Variants in ESRRB observed in about 807,000 individuals in gnomAD.
ESRRB encodes the protein estrogen related receptor beta.
ESRRB carries 16 observed loss-of-function variants against 46.0 expected under a neutral mutation model. The ratio of observed to expected loss-of-function variants is 0.35; its 90% CI spans 0.24 to 0.53. The LOEUF is 0.53. Ranked by LOEUF, ESRRB falls within the 20% of genes least tolerant of loss-of-function variation. The pLI is 0.93. For missense variants in ESRRB, 488 were observed against 607.4 expected, an observed-to-expected ratio of 0.80 and a Z score of 2.07; for synonymous variants, 246 against 259.6, an observed-to-expected ratio of 0.95 and a Z score of 0.50.
chr14:76,491,568 G>A lies in ESRRB; in HGVS notation c.972G>A (p.Glu324=). 1 of 1,592,670 alleles carries A rather than the reference G, an allele frequency of 6.3e-7. No individual in the cohort carries two copies. The highest frequency in any genetic ancestry group is 8.5e-7 in the Non-Finnish European group (1 of 1,170,122). The stretch of plus-strand genomic sequence containing the variant: ...ATGACGACAAGCTGGTGTACGCTGA[G>A]GACTACATCATGGATGAGGAGCACT... ...LPYDDKLVYA[E]DYIMDEEHSR... is the part of the protein sequence containing the mutation. The change falls in exon 6 of 7, where the codon GAG becomes GAA. Residue 324 remains glutamate, a synonymous_variant. Transcript: ENST00000644823.
intron 3 of ESRRB, among the ~76,000 whole-genome samples, chr14:76,476,247 A>T (rs1388484465): frequency 1.3e-5 from 2 of 152,312 alleles, no homozygotes; most frequent in East Asian, 3.9e-4. Flanking sequence ...ACCTGTACAC[A>T]TTAAGGGATT....
At chr14:76,351,611 A>G (rs1884313698) in intron 1 of ESRRB, among the ~76,000 whole-genome samples, 2 of 152,220 alleles carry the variant, frequency 1.3e-5, no homozygotes, top group African/African-American at 4.8e-5. Context: ...ACTTCAGCAT[A>G]TCTTTTCGAG....
At chr14:76,340,721 A>G (rs1403978165) in intron 1 of ESRRB, among the ~76,000 whole-genome samples, 3 of 152,160 alleles carry the variant, frequency 2.0e-5, no homozygotes, top group Admixed American at 6.5e-5. Context: ...TCTGGTGTGA[A>G]TTTCCTGCTT....
chr14:76,354,228 C>CCG (rs1884349928), intron 1 of ESRRB, among the ~76,000 whole-genome samples: 1 of 96,984 alleles, frequency 1.0e-5, no homozygotes, highest in Non-Finnish European at 2.0e-5. Flanking sequence ...CTACCCGCCC[C>CCG]CCCCCCCACC....
At chr14:76,447,871 C>G (rs559059571) in intron 2 of ESRRB, among the ~76,000 whole-genome samples, 1 of 152,182 alleles carries the variant, frequency 6.6e-6, no homozygotes, top group African/African-American at 2.4e-5. Context: ...TCCCTGCTGC[C>G]AGGCTCGGCC....
At chr14:76,403,023 T>C (rs1216364695) in intron 1 of ESRRB, among the ~76,000 whole-genome samples, 1 of 152,092 alleles carries the variant, frequency 6.6e-6, no homozygotes, top group Non-Finnish European at 1.5e-5. Context: ...ACTCCTGGGC[T>C]CAAGCAATCT....
Position 76,354,764 on chromosome 14 carries a change from C to T in ESRRB, c.2+43848C>T, listed in dbSNP as rs999376388. Among the ~76,000 whole-genome samples the T allele has an allele frequency of 4.2e-5, 6 of 143,378 alleles. No homozygotes were observed. The Admixed American group carries it at 4.3e-4, about 10-fold the overall frequency. 94.1% of individuals were successfully genotyped at this position (143,378 alleles called of 152,430 possible). A position where few individuals can be genotyped will look rare whatever the true frequency, so the allele number is the denominator to read the frequency against. ...TGCTCTTGTTGCCCAGGCTGGAGTG[C>T]AATGGCTCGATCTCAGCTCACTGCA... On this transcript the variant is annotated intron_variant, in intron 1 of 6. Coordinates refer to the ESRRB transcript ENST00000512784.
intron 1 of ESRRB, among the ~76,000 whole-genome samples, chr14:76,344,497 C>T (rs892486021): frequency 6.6e-6 from 1 of 152,054 alleles, no homozygotes; most frequent in African/African-American, 2.4e-5. Context: ...GCTTAGATCC[C>T]ACATATCAGT....
chr14:76,332,560 TATTTA>T (rs1884027746), intron 1 of ESRRB, among the ~76,000 whole-genome samples: 1 of 17,898 alleles, frequency 5.6e-5, no homozygotes, highest in Non-Finnish European at 1.1e-4. Flanking sequence ...ATATAATATA[TATTTA>T]TATATTTATA....
At chr14:76,358,359 G>A (rs965913576) in intron 1 of ESRRB, among the ~76,000 whole-genome samples, 3 of 51,918 alleles carry the variant, frequency 5.8e-5, no homozygotes, top group East Asian at 3.9e-4. Flanking sequence ...AAGAAAGAAA[G>A]AAAGAAAGAA....
Position 76,462,672 on chromosome 14 carries a change from C to CCGGCCGGGCGCGGTGGCT in ESRRB, c.577+12_577+13insGGCCGGGCGCGGTGGCTC. The CCGGCCGGGCGCGGTGGCT allele has an allele frequency of 1.3e-6, 2 of 1,596,770 alleles. No individual in the cohort carries two copies. The highest frequency in any genetic ancestry group is 1.7e-6 in the Non-Finnish European group (2 of 1,164,448). On this transcript the variant is annotated intron_variant, in intron 3 of 6. Transcript: ENST00000644823. ...GGATGCTGAAGGAAGGTAAGAGACC[C>CCGGCCGGGCGCGGTGGCT]CACCGAGTCGGGGTTCACTGTGAGG...
In ESRRB at chr14:76,439,597, G is replaced by C. The variant is rs771967770; in HGVS notation, c.307G>C (p.Gly103Arg). ...CRKSYEDCAS[G>R]IMEDSAIKCE... Reference sequence around the variant, plus strand: ...CAAGAGCTACGAGGACTGTGCCAGCGGCATCATGGAGGACTCGGCCATCAA... The same window carrying C: ...CAAGAGCTACGAGGACTGTGCCAGCCGCATCATGGAGGACTCGGCCATCAA... The change falls in exon 2 of 7, where the codon GGC becomes CGC. Residue 103 changes from glycine (G) to arginine (R), a missense_variant. Transcript: ENST00000644823. 1.2e-4 allele frequency: 194 copies of C among 1,614,208 alleles called. No individual in the cohort carries two copies. The highest frequency in any genetic ancestry group is 1.5e-4 in the Non-Finnish European group (173 of 1,180,024).
intron 1 of ESRRB, among the ~76,000 whole-genome samples, chr14:76,382,476 G>A (rs1268616260): frequency 6.6e-6 from 1 of 152,194 alleles, no homozygotes; most frequent in Non-Finnish European, 1.5e-5. Flanking sequence ...AGGAAGTCCT[G>A]CCCTTCTCCA....
At chr14:76,496,259 G>A (rs1247689791) in intron 6 of ESRRB, among the ~76,000 whole-genome samples, 1 of 152,238 alleles carries the variant, frequency 6.6e-6, no homozygotes. Context: ...TAAGACATGA[G>A]CCTGGATGTG....
At chr14:76,331,164 A>G (rs948015132) in intron 1 of ESRRB, among the ~76,000 whole-genome samples, 5 of 152,066 alleles carry the variant, frequency 3.3e-5, no homozygotes, top group East Asian at 1.9e-4. Context: ...GCCATGTGAC[A>G]CTTGCTGTGG....
intron 1 of ESRRB, among the ~76,000 whole-genome samples, chr14:76,387,836 C>A (rs1885301690): frequency 6.6e-6 from 1 of 152,140 alleles, no homozygotes; most frequent in Non-Finnish European, 1.5e-5. Flanking sequence ...GATAGGAGAG[C>A]TAAATATAAA....
chr14:76,405,459 G>A lies in ESRRB; in HGVS notation c.50+29008G>A, dbSNP rs1035626474. Among the ~76,000 whole-genome samples, 14 of 152,144 alleles carry A rather than the reference G, an allele frequency of 9.2e-5. No individual in the cohort carries two copies. In the East Asian group the frequency reaches 1.9e-3, roughly 21 times the overall value. ...CTGGAACCTAGAGGGCAGATGAACC[G>A]ATAATGGGAGTGTTTCCTTGTAAGT... is the stretch of plus-strand genomic sequence containing the variant. On this transcript the variant is annotated intron_variant, in intron 1 of 6. Coordinates refer to ENST00000644823, the MANE Select transcript of ESRRB (RefSeq NM_001379180.1).
Position 76,487,611 on chromosome 14 carries a change from T to G in ESRRB, c.851-3836T>G, listed in dbSNP as rs547287794. 1.5e-3 allele frequency among the ~76,000 whole-genome samples: 230 copies of G among 152,312 alleles called. 1 individual carries two copies. Among genetic ancestry groups the G allele is most frequent in the Middle Eastern group, 6.8e-3 (2 of 294 alleles). On this transcript the variant is annotated intron_variant, in intron 5 of 6. Transcript: ENST00000644823. ...TTTCTTTCTAGGATAAATTTCTTTTTTTTTCTTTTTGAGCCAGGATCTCGC... is the reference window on the plus strand; with the variant it reads ...TTTCTTTCTAGGATAAATTTCTTTTGTTTTCTTTTTGAGCCAGGATCTCGC...
At chr14:76,310,795 A>G in exon 1 of ESRRB, 1 of 453,180 alleles carries the variant, frequency 2.2e-6, no homozygotes, top group Admixed American at 2.4e-5. Context: ...AGAGACACAG[A>G]CAGGGGACTG....
Sources: gnomAD v4.1 joint callset for allele counts (sites outside exome capture counted in the v4.1 genomes callset) on GRCh38, gnomAD v4.1.1 for gene constraint, MANE v1.5 for transcripts, NCBI Gene and HGNC (gene_info 2026-07-23, HGNC 2026-07-21) for gene names.